The following GALNT10 variants were observed in gnomAD, a reference collection of about 807,000 sequenced individuals.
GALNT10 encodes the protein polypeptide N-acetylgalactosaminyltransferase 10.
A neutral mutation model predicts 75.0 loss-of-function variants in GALNT10; 41 were observed. The ratio of observed to expected loss-of-function variants is 0.55; its 90% CI spans 0.43 to 0.71. The LOEUF (loss-of-function observed/expected upper bound fraction) is 0.71. Among genes scored for constraint, GALNT10 ranks in the 30% least tolerant of loss-of-function variants. The pLI, the probability that GALNT10 is intolerant of heterozygous loss-of-function variation, is 0.00. For synonymous variants in GALNT10, 302 were observed against 313.0 expected (o/e 0.96, Z 0.37); for missense variants, 727 against 818.5 (o/e 0.89, Z 1.36).
At chr5:154,377,647 C>A (rs1401379642) in intron 5 of GALNT10, among the ~76,000 whole-genome samples, 1 of 152,120 alleles carries the variant, frequency 6.6e-6, no homozygotes, top group African/African-American at 2.4e-5. Context: ...GGACAGAAAG[C>A]AGAACCCACA....
rs1756351659 is a variant in GALNT10 at position 154,409,552 on chromosome 5, G to A, written c.1176G>A (p.Arg392=). The change falls in exon 9 of 12, where the codon CGG becomes CGA. Residue 392 remains arginine (R), a synonymous_variant. Transcript: ENST00000297107. The surrounding 1 kb of genome is among the most constrained non-coding windows in gnomAD (Gnocchi z 4.5). ...AGVSLARNLK[R]VAEVWMDEYA... ...TTCTTGCCCCATAGAACCTTAAGCG[G>A]GTGGCCGAAGTGTGGATGGATGAGT... 1 of 1,612,596 alleles carries A rather than the reference G, an allele frequency of 6.2e-7. No homozygotes were observed. Among genetic ancestry groups the A allele is most frequent in the Non-Finnish European group, 8.5e-7 (1 of 1,178,584 alleles).
At chr5:154,337,673 G>A (rs11167671) in intron 4 of GALNT10, 516,577 of 1,051,680 alleles carry the variant, frequency 0.49, 133,975 homozygotes, top group Admixed American at 0.69. Flanking sequence ...CTCCAGAATC[G>A]CTTCCATCAT....
At chr5:154,372,354 C>T (rs952022725) in intron 4 of GALNT10, among the ~76,000 whole-genome samples, 7 of 152,242 alleles carry the variant, frequency 4.6e-5, no homozygotes, top group African/African-American at 1.4e-4. Context: ...AAGTGGGCAC[C>T]GAAGAACTAC....
chr5:154,365,499 A>T (rs1471835006), intron 4 of GALNT10, among the ~76,000 whole-genome samples: 1 of 152,210 alleles, frequency 6.6e-6, no homozygotes, highest in Non-Finnish European at 1.5e-5. Flanking sequence ...TTAGACTTGA[A>T]TTCCAGAGAA....
At chr5:154,416,000 C>A in intron 11 of GALNT10, 68 bp downstream of exon 11, 2 of 1,428,956 alleles carry the variant, frequency 1.4e-6, no homozygotes, top group South Asian at 1.2e-5. Flanking sequence ...AGTGCTTCAC[C>A]CCTTCTTTCA....
intron 4 of GALNT10, among the ~76,000 whole-genome samples, chr5:154,357,591 A>AT (rs1163764251): frequency 1.3e-5 from 2 of 152,096 alleles, no homozygotes; most frequent in Non-Finnish European, 2.9e-5. Flanking sequence ...CTTCAAAATA[A>AT]TTTTTTAAAA....
At chr5:154,191,439 C>A (rs1581911492) in intron 1 of GALNT10, among the ~76,000 whole-genome samples, 2 of 3,066 alleles carry the variant, frequency 6.5e-4, no homozygotes, top group East Asian at 0.05. Flanking sequence ...CCTCCCACCC[C>A]CCCCCCCCCA....
At chr5:154,329,826 C>T in intron 4 of GALNT10, 88 bp downstream of exon 4, 1 of 891,152 alleles carries the variant, frequency 1.1e-6, no homozygotes, top group Non-Finnish European at 1.8e-6. Context: ...TCTTTAGCAG[C>T]ATCAACATAT....
chr5:154,326,369 A>G (rs1181599468), intron 3 of GALNT10, among the ~76,000 whole-genome samples: 2 of 152,200 alleles, frequency 1.3e-5, no homozygotes, highest in African/African-American at 4.8e-5. Flanking sequence ...AAATGGAGTT[A>G]CCTTTGACCC....
At chr5:154,266,981 C>A (rs1268499627) in intron 1 of GALNT10, among the ~76,000 whole-genome samples, 1 of 152,150 alleles carries the variant, frequency 6.6e-6, no homozygotes, top group Non-Finnish European at 1.5e-5. Flanking sequence ...GGCTTTCAGT[C>A]CCCTGTAGAT....
chr5:154,362,152 T>A (rs759831450), intron 4 of GALNT10, among the ~76,000 whole-genome samples: 9 of 152,194 alleles, frequency 5.9e-5, no homozygotes, highest in South Asian at 2.1e-4. Flanking sequence ...CAGCAGGAGG[T>A]GAAAAGTATC....
intron 1 of GALNT10, among the ~76,000 whole-genome samples, chr5:154,198,339 C>G (rs1238380687): frequency 6.6e-6 from 1 of 152,192 alleles, no homozygotes; most frequent in East Asian, 1.9e-4. Flanking sequence ...AAACACAATG[C>G]TTGGTACAGA....
At chr5:154,343,159 G>T (rs1400758305) in intron 4 of GALNT10, among the ~76,000 whole-genome samples, 2 of 150,782 alleles carry the variant, frequency 1.3e-5, no homozygotes, top group African/African-American at 4.9e-5. Flanking sequence ...AGGAATCTGT[G>T]TTGTAACCAG....
chr5:154,230,879 T>C (rs748193963), intron 1 of GALNT10, among the ~76,000 whole-genome samples: 18 of 152,228 alleles, frequency 1.2e-4, no homozygotes, highest in Non-Finnish European at 2.4e-4. Context: ...GGGTCTGACC[T>C]AGACCAGGAA....
chr5:154,353,351 C>A (rs1473007320), intron 4 of GALNT10, among the ~76,000 whole-genome samples: 1 of 152,204 alleles, frequency 6.6e-6, no homozygotes, highest in Non-Finnish European at 1.5e-5. Flanking sequence ...TCATTACCAA[C>A]CCCTGGCTAA....
intron 3 of GALNT10, among the ~76,000 whole-genome samples, chr5:154,323,013 G>A (rs1038821683): frequency 3.4e-4 from 52 of 152,250 alleles, no homozygotes; most frequent in South Asian, 8.3e-4. Context: ...TACATTCTAG[G>A]GAAGAAGACA....
chr5:154,272,671 T>C (rs1753884663), intron 1 of GALNT10, among the ~76,000 whole-genome samples: 1 of 152,196 alleles, frequency 6.6e-6, no homozygotes, highest in African/African-American at 2.4e-5. Flanking sequence ...TCCATGTCAG[T>C]TTCCTCATCT....
intron 1 of GALNT10, among the ~76,000 whole-genome samples, chr5:154,251,972 G>A (rs148283111): frequency 6.6e-6 from 1 of 152,150 alleles, no homozygotes; most frequent in East Asian, 1.9e-4. Flanking sequence ...ATTAAAGACT[G>A]TTGAATTTTT....
intron 2 of GALNT10, among the ~76,000 whole-genome samples, 175 bp downstream of exon 2, chr5:154,295,093 T>A (rs1405611239): frequency 6.6e-6 from 1 of 152,108 alleles, no homozygotes; most frequent in African/African-American, 2.4e-5. Flanking sequence ...GATTCCCAGA[T>A]GCCCCTCTTC....
Sources: gnomAD v4.1 joint callset for allele counts (sites outside exome capture counted in the v4.1 genomes callset) on GRCh38, gnomAD v4.1.1 for gene constraint, Gnocchi (gnomAD v3.1) non-coding constraint, MANE v1.5 for transcripts, NCBI Gene and HGNC (gene_info 2026-07-23, HGNC 2026-07-21) for gene names.